KIAA1958: variants seen among roughly 807,000 people sequenced by gnomAD.
KIAA1958 encodes KIAA1958, also known as uncharacterized protein KIAA1958.
In KIAA1958, 14 loss-of-function variants were observed where a neutral mutation model predicts 47.2. The observed-to-expected ratio is 0.30, with a 90% CI of 0.20 to 0.46. The LOEUF is 0.46. Among genes scored for constraint, KIAA1958 ranks in the 20% least tolerant of loss-of-function variants. The probability of loss-of-function intolerance (pLI) is 1.00; values close to 1 mark genes in which losing one functional copy is unlikely to be tolerated. For missense variants in KIAA1958, 803 were observed against 909.2 expected, an observed-to-expected ratio of 0.88 and a Z score of 1.50; for synonymous variants, 354 against 353.3, an observed-to-expected ratio of 1.00 and a Z score of -0.02.
Position 112,669,293 on chromosome 9 carries a change from G to A in KIAA1958, c.*9224G>A, listed in dbSNP as rs1837390578. On this transcript the variant is annotated 3_prime_UTR_variant, in exon 4 of 4. Coordinates refer to ENST00000337530, the MANE Select transcript of KIAA1958 (RefSeq NM_133465.4). ...TCTGTTAACAATTTGTAAGGACCTG[G>A]GTTATATTTTAAAGGTGGTTGTTGT... is the stretch of plus-strand genomic sequence containing the variant. 6.6e-6 allele frequency: 1 copy of A among 152,116 alleles called. No individual in the cohort carries two copies. The allele number at this position is 152,116 out of a possible 1,614,324, so 9.4% of individuals were successfully genotyped here.
chr9:112,546,237 A>G (rs757227871), intron 1 of KIAA1958, among the ~76,000 whole-genome samples: 1 of 152,168 alleles, frequency 6.6e-6, no homozygotes, highest in Non-Finnish European at 1.5e-5. Context: ...ATACATTAGC[A>G]TACTAGAGGA....
At chr9:112,582,821 C>T (rs1258374511) in intron 2 of KIAA1958, among the ~76,000 whole-genome samples, 1 of 152,096 alleles carries the variant, frequency 6.6e-6, no homozygotes, top group Non-Finnish European at 1.5e-5. Flanking sequence ...CCCATGCTTC[C>T]TATGAAGGGC....
chr9:112,554,601 A>G (rs1483239119), intron 1 of KIAA1958, among the ~76,000 whole-genome samples: 1 of 152,212 alleles, frequency 6.6e-6, no homozygotes, highest in Non-Finnish European at 1.5e-5. Flanking sequence ...ATGTAGAACC[A>G]TGGTTCTCAA....
chr9:112,543,226 G>GTTGT (rs61382078), intron 1 of KIAA1958, among the ~76,000 whole-genome samples: 106,582 of 150,894 alleles, frequency 0.71, 37,704 homozygotes, highest in African/African-American at 0.74. Context: ...TTTTGTTGTT[G>GTTGT]TTGTTTGTTT....
chr9:112,603,981 CTT>C (rs1836180902), intron 2 of KIAA1958, among the ~76,000 whole-genome samples: 1 of 152,150 alleles, frequency 6.6e-6, no homozygotes, highest in Admixed American at 6.5e-5. Flanking sequence ...ATAGTCTTCT[CTT>C]AAATGAAAAT....
intron 1 of KIAA1958, among the ~76,000 whole-genome samples, chr9:112,573,766 C>G (rs1835580784): frequency 1.3e-5 from 2 of 152,132 alleles, no homozygotes; most frequent in Admixed American, 6.5e-5. Flanking sequence ...TTGCTTGTTT[C>G]TCTTTTTCTT....
At chr9:112,495,074 A>T (rs1415014373) in intron 1 of KIAA1958, among the ~76,000 whole-genome samples, 1 of 150,220 alleles carries the variant, frequency 6.7e-6, no homozygotes, top group Non-Finnish European at 1.5e-5. Context: ...GTGTGCCACC[A>T]CTACCAGCTG....
In KIAA1958 at chr9:112,661,322, A is replaced by T. The variant is rs974107178; in HGVS notation, c.*1253A>T. ...ACCACATTATTTAAAAATCAGCAGA[A>T]TTTTCTAATAACTACTCTGAGTGCA... On this transcript the variant is annotated 3_prime_UTR_variant, in exon 4 of 4. Transcript: ENST00000337530. 5 of 152,184 alleles carry T rather than the reference A, an allele frequency of 3.3e-5. No homozygotes were observed. The highest frequency in any genetic ancestry group is 7.4e-5 in the Non-Finnish European group (5 of 68,024). The allele number at this position is 152,184 out of a possible 1,614,324, so 9.4% of individuals were successfully genotyped here. A position where few individuals can be genotyped will look rare whatever the true frequency, so the allele number is the denominator to read the frequency against.
intron 2 of KIAA1958, among the ~76,000 whole-genome samples, chr9:112,625,674 A>G (rs1836598424): frequency 6.6e-6 from 1 of 152,142 alleles, no homozygotes; most frequent in Admixed American, 6.5e-5. Context: ...AAAACCCACA[A>G]ATTTCTCTTA....
chr9:112,567,959 CAAAAAAAAA>C (rs35931681), intron 1 of KIAA1958, among the ~76,000 whole-genome samples: 1 of 66,180 alleles, frequency 1.5e-5, no homozygotes, highest in Non-Finnish European at 2.7e-5. Context: ...GAATCCATCT[CAAAAAAAAA>C]AAAAAAAAAA....
At chr9:112,518,445 G>A (rs1384163570) in intron 1 of KIAA1958, among the ~76,000 whole-genome samples, 1 of 152,158 alleles carries the variant, frequency 6.6e-6, no homozygotes, top group African/African-American at 2.4e-5. Context: ...CTTATGTTGG[G>A]TGAAAGAAGC....
intron 1 of KIAA1958, among the ~76,000 whole-genome samples, chr9:112,561,469 A>G (rs970366487): frequency 6.6e-5 from 10 of 152,186 alleles, no homozygotes; most frequent in Admixed American, 4.6e-4. Context: ...CATGACTGTT[A>G]TTAATGGCAG....
chr9:112,608,891 G>A (rs912168058), intron 2 of KIAA1958, among the ~76,000 whole-genome samples: 17 of 152,160 alleles, frequency 1.1e-4, no homozygotes, highest in Non-Finnish European at 2.4e-4. Flanking sequence ...AAAGAGAAGA[G>A]AGAGAATTTA....
chr9:112,503,531 C>T (rs990266031), intron 1 of KIAA1958, among the ~76,000 whole-genome samples: 5 of 151,078 alleles, frequency 3.3e-5, no homozygotes, highest in Admixed American at 2.6e-4. Context: ...TACCTGTAGT[C>T]CCAGCTACTA....
intron 2 of KIAA1958, among the ~76,000 whole-genome samples, chr9:112,634,095 A>G (rs376434639): frequency 6.6e-6 from 1 of 152,246 alleles, no homozygotes; most frequent in Non-Finnish European, 1.5e-5. Context: ...GTACCAACTT[A>G]GCAAGAGTGT....
chr9:112,640,304 A>G (rs565745708), intron 2 of KIAA1958, among the ~76,000 whole-genome samples: 1 of 152,270 alleles, frequency 6.6e-6, no homozygotes. Flanking sequence ...GGATTGTCCA[A>G]GGCATCTCTC....
chr9:112,550,611 C>T (rs143328168), intron 1 of KIAA1958, among the ~76,000 whole-genome samples: 9 of 152,218 alleles, frequency 5.9e-5, no homozygotes, highest in East Asian at 3.9e-4. Context: ...AAAAGGCAGA[C>T]GGATGAAGTC....
chr9:112,612,280 G>T (rs1266387551), intron 2 of KIAA1958, among the ~76,000 whole-genome samples: 1 of 152,070 alleles, frequency 6.6e-6, no homozygotes, highest in East Asian at 1.9e-4. Context: ...AATTAGCCAG[G>T]TGTGGTGGTT....
intron 2 of KIAA1958, among the ~76,000 whole-genome samples, chr9:112,592,223 A>T (rs1027925012): frequency 6.6e-6 from 1 of 152,160 alleles, no homozygotes; most frequent in Non-Finnish European, 1.5e-5. Context: ...CAAAGAATTG[A>T]ACATACTGAC....
Sources: gnomAD v4.1 joint callset for allele counts (sites outside exome capture counted in the v4.1 genomes callset) on GRCh38, gnomAD v4.1.1 for gene constraint, MANE v1.5 for transcripts, NCBI Gene and HGNC (gene_info 2026-07-23, HGNC 2026-07-21) for gene names.